UFL1: variants seen among roughly 807,000 people sequenced by gnomAD.
UFL1 encodes E3 UFM1-protein ligase 1.
Under a neutral mutation model 99.3 loss-of-function variants are expected in UFL1, and 78 were observed. That is an observed-to-expected ratio of 0.79 (90% CI 0.65 to 0.95). The LOEUF is 0.95. UFL1 is among the 40% of genes least tolerant of loss of function. The probability of loss-of-function intolerance (pLI) is 0.00; values close to 1 mark genes in which losing one functional copy is unlikely to be tolerated. For missense variants in UFL1, 936 were observed against 937.0 expected (o/e 1.00, Z 0.01); for synonymous variants, 335 against 322.2 (o/e 1.04, Z -0.42).
At chr6:96,528,945 T>C (rs1769741234) in intron 6 of UFL1, among the ~76,000 whole-genome samples, 1 of 152,200 alleles carries the variant, frequency 6.6e-6, no homozygotes, top group Non-Finnish European at 1.5e-5. Flanking sequence ...CCTTGAATCA[T>C]GGAAAGAACA....
rs969360538 is a variant in UFL1 at position 96,548,343 on chromosome 6, T to C, written c.1520+62T>C. ...AAATTAAATGGGTTATTAAATAAGATTTTTTCCAAGATCATAGAAAGCAAA... is the reference window on the plus strand; with the variant it reads ...AAATTAAATGGGTTATTAAATAAGACTTTTTCCAAGATCATAGAAAGCAAA... On this transcript the variant is annotated intron_variant, in intron 13 of 18. Transcript: ENST00000369278. 5 of 1,084,058 alleles carry C rather than the reference T, an allele frequency of 4.6e-6. No individual in the cohort carries two copies. The African/African-American group carries it at 8.3e-5, about 18-fold the overall frequency. The allele number at this position is 1,084,058 out of a possible 1,614,324, so 67.2% of individuals were successfully genotyped here. A position where few individuals can be genotyped will look rare whatever the true frequency, so the allele number is the denominator to read the frequency against.
Position 96,538,793 on chromosome 6 carries a change from C to G in UFL1, c.1141C>G (p.His381Asp). 1 of 1,602,686 alleles carries G rather than the reference C, an allele frequency of 6.2e-7. No individual in the cohort carries two copies. The highest frequency in any genetic ancestry group is 8.5e-7 in the Non-Finnish European group (1 of 1,173,384). ...TACAGAACTGTTCCGTGAGCTGATG[C>G]ACCAGAAAGCTGAAAAGGTATTCCA... The part of the protein sequence containing the change: ...DCTELFRELM[H>D]QKAEKEMKNN... Residue 381 changes from histidine to aspartate, a missense_variant, in exon 10 of 19, where the codon CAC (histidine) becomes GAC (aspartate). Coordinates refer to ENST00000369278, the MANE Select transcript of UFL1 (RefSeq NM_015323.5).
At chr6:96,545,763 C>A (rs1010600676) in intron 12 of UFL1, among the ~76,000 whole-genome samples, 1 of 151,052 alleles carries the variant, frequency 6.6e-6, no homozygotes, top group African/African-American at 2.4e-5. Context: ...TTCTGATTGA[C>A]TTATAGAAAA....
At chr6:96,528,905 C>A (rs774313038) in intron 6 of UFL1, among the ~76,000 whole-genome samples, 2 of 152,160 alleles carry the variant, frequency 1.3e-5, no homozygotes, top group Non-Finnish European at 2.9e-5. Flanking sequence ...AGTTTAAATA[C>A]TGCTGCCCAG....
chr6:96,543,166 G>A (rs980752827), intron 12 of UFL1, 150 bp downstream of exon 12: 20 of 822,148 alleles, frequency 2.4e-5, no homozygotes, highest in Non-Finnish European at 3.4e-5. Flanking sequence ...CCACACTTTA[G>A]TTAAATGTTA....
chr6:96,545,873 A>G (rs983295865), intron 12 of UFL1, among the ~76,000 whole-genome samples: 13 of 151,292 alleles, frequency 8.6e-5, no homozygotes, highest in African/African-American at 3.1e-4. Flanking sequence ...AACATACCTC[A>G]AAATAATAAG....
Position 96,553,783 on chromosome 6 carries a change from A to T in UFL1, c.*280A>T. ...ATTTTCACATAATTTTAAAAATTAC[A>T]TATTTCAGGTTTGTTCTCTTTCCAA... On this transcript the variant is annotated 3_prime_UTR_variant, in exon 19 of 19. Coordinates refer to ENST00000369278, the MANE Select transcript of UFL1 (RefSeq NM_015323.5). The T allele has an allele frequency of 3.4e-6, 1 of 297,696 alleles. No homozygotes were observed. The highest frequency in any genetic ancestry group is 6.0e-5 in the East Asian group (1 of 16,790). The allele number at this position is 297,696 out of a possible 1,614,324, so 18.4% of individuals were successfully genotyped here. A position where few individuals can be genotyped will look rare whatever the true frequency, so the allele number is the denominator to read the frequency against.
chr6:96,525,198 G>T, intron 3 of UFL1, 99 bp from the exon 4 acceptor site: 1 of 936,232 alleles, frequency 1.1e-6, no homozygotes, highest in Non-Finnish European at 1.6e-6. Context: ...CACCATGCCT[G>T]GCCGGCAATT....
chr6:96,536,913 G>A (rs1258857173), intron 8 of UFL1, among the ~76,000 whole-genome samples: 2 of 151,298 alleles, frequency 1.3e-5, no homozygotes, highest in African/African-American at 4.8e-5. Flanking sequence ...TAAATTCTGT[G>A]TCTGAAATTC....
chr6:96,542,874 T>C lies in UFL1; in HGVS notation c.1280-20T>C. On this transcript the variant is annotated intron_variant, in intron 11 of 18. Transcript: ENST00000369278. ...GATGATTTAGTTAGGTAATGCTAAC[T>C]AATGTCATTTTCCCACCAGAGGGCA... The C allele has an allele frequency of 6.4e-7, 1 of 1,553,886 alleles. No individual in the cohort carries two copies. Among genetic ancestry groups the C allele is most frequent in the Non-Finnish European group, 8.6e-7 (1 of 1,156,246 alleles).
In UFL1 at chr6:96,525,341, C is replaced by T; in HGVS notation, c.297C>T (p.Asp99=). ...TTCATATTGAAAATAGAATTGGTGA[C>T]ATTATTAAATCAGAAAAGCATGTTC... ...DLIHIENRIG[D]IIKSEKHVQL... Residue 99 remains aspartate, a synonymous_variant, in exon 4 of 19, where the codon GAC becomes GAT. Transcript: ENST00000369278. 6.2e-7 allele frequency: 1 copy of T among 1,609,488 alleles called. No individual in the cohort carries two copies. The highest frequency in any genetic ancestry group is 8.5e-7 in the Non-Finnish European group (1 of 1,178,180).
chr6:96,547,266 A>G (rs1433437799), intron 12 of UFL1, among the ~76,000 whole-genome samples: 2 of 151,864 alleles, frequency 1.3e-5, no homozygotes, highest in South Asian at 2.1e-4. Flanking sequence ...TAAAACCACA[A>G]TATATCATCA....
chr6:96,533,247 A>G lies in UFL1; in HGVS notation c.597-1016A>G, dbSNP rs145421839. Among the ~76,000 whole-genome samples, 19 of 152,192 alleles carry G rather than the reference A, an allele frequency of 1.2e-4. 1 individual carries two copies. The highest frequency in any genetic ancestry group is 4.6e-4 in the African/African-American group (19 of 41,566). Reference sequence around the variant, plus strand: ...TAGTTATTACAAATGAGATACAGTCATAGGAGTCCACCCCAAAGAAATGAA... The same window carrying G: ...TAGTTATTACAAATGAGATACAGTCGTAGGAGTCCACCCCAAAGAAATGAA... On this transcript the variant is annotated intron_variant, in intron 6 of 18. Coordinates refer to ENST00000369278, the MANE Select transcript of UFL1 (RefSeq NM_015323.5).
Position 96,521,859 on chromosome 6 carries a change from G to T in UFL1, c.-15G>T, listed in dbSNP as rs772153994. ...TGTCTGCAGTTCCTCCGCGTCTACT[G>T]CGAGTCAGGCCGTGATGGCGGACGC... On this transcript the variant is annotated 5_prime_UTR_variant, in exon 1 of 19. Coordinates refer to ENST00000369278, the MANE Select transcript of UFL1 (RefSeq NM_015323.5). The T allele has an allele frequency of 1.2e-6, 2 of 1,609,900 alleles. No homozygotes were observed.
Position 96,552,548 on chromosome 6 carries a change from T to TA in UFL1, c.2053dup (p.Ile685AsnfsTer33). 1.9e-6 allele frequency: 3 copies of TA among 1,613,022 alleles called. No individual in the cohort carries two copies. Among genetic ancestry groups the TA allele is most frequent in the Non-Finnish European group, 2.5e-6 (3 of 1,179,606 alleles). The stretch of plus-strand genomic sequence containing the variant: ...TAAAGGTCACAGAAGACCCTGCTCT[T>TA]ATTCTGCACCTCACATCAGTCCTGT... On this transcript the variant is annotated frameshift_variant, in exon 18 of 19. Coordinates refer to ENST00000369278, the MANE Select transcript of UFL1 (RefSeq NM_015323.5). LOFTEE classifies it high-confidence loss of function.
intron 12 of UFL1, among the ~76,000 whole-genome samples, chr6:96,543,848 G>A (rs997529026): frequency 1.3e-5 from 2 of 151,032 alleles, no homozygotes; most frequent in Non-Finnish European, 3.0e-5. Context: ...TTCCTGATAA[G>A]TATTTTACAC....
rs1239092602 is a variant in UFL1, at chr6:96,521,898, A to T, written c.25A>T (p.Arg9Trp). ...GATGGCGGACGCCTGGGAAGAGATTAGGCGGTTGGCGGCCGACTTCCAGCG... is the reference window on the plus strand; with the variant it reads ...GATGGCGGACGCCTGGGAAGAGATTTGGCGGTTGGCGGCCGACTTCCAGCG... MADAWEEI[R>W]RLAADFQRAQ... Residue 9 changes from arginine to tryptophan, a missense_variant, in exon 1 of 19, where the codon AGG becomes TGG. Physicochemically the swap from Arg to Trp is moderately radical, Grantham distance 101. Transcript: ENST00000369278. The T allele has an allele frequency of 1.2e-6, 2 of 1,612,694 alleles. No homozygotes were observed. The highest frequency in any genetic ancestry group is 1.1e-5 in the South Asian group (1 of 90,696).
At position 96,554,998 on chromosome 6, in the gene UFL1, T is replaced by G. The variant is rs903881827; in HGVS notation, c.*1495T>G. 1.3e-5 allele frequency: 2 copies of G among 152,556 alleles called. No homozygotes were observed. The highest frequency in any genetic ancestry group is 4.8e-5 in the African/African-American group (2 of 41,454). 9.5% of individuals were successfully genotyped at this position (152,556 alleles called of 1,614,324 possible). ...CAGTAGATATCAAAGTAATCCATGT[T>G]TGTGTCAAATGATCATAGAAAATAA... On this transcript the variant is annotated 3_prime_UTR_variant, in exon 19 of 19. Transcript: ENST00000369278.
intron 13 of UFL1, among the ~76,000 whole-genome samples, chr6:96,548,916 T>A (rs1031334870): frequency 1.3e-5 from 2 of 151,660 alleles, no homozygotes; most frequent in African/African-American, 2.4e-5. Context: ...GTGGTGATAA[T>A]TTTTTTAATA....
Sources: allele counts gnomAD v4.1 joint callset (sites outside exome capture counted in the v4.1 genomes callset), GRCh38; gene constraint gnomAD v4.1.1; transcripts MANE v1.5; gene names NCBI Gene and HGNC (gene_info 2026-07-23, HGNC 2026-07-21).